The following ALG9 variants were observed in gnomAD, a reference collection of about 807,000 sequenced individuals.
ALG9 encodes ALG9 alpha-1,2-mannosyltransferase.
A neutral mutation model predicts 81.8 loss-of-function variants in ALG9; 55 were observed. The observed-to-expected ratio is 0.67, with a 90% CI of 0.54 to 0.84. The LOEUF (loss-of-function observed/expected upper bound fraction) is 0.84, where lower values mean the gene tolerates loss of function less well. Among genes scored for constraint, ALG9 ranks in the 40% least tolerant of loss-of-function variants. ALG9 has a pLI of 0.00. For synonymous variants in ALG9, 278 were observed against 274.3 expected (o/e 1.01, Z -0.13); for missense variants, 629 against 745.0 (o/e 0.84, Z 1.81).
intron 14 of ALG9, chr11:111,798,268 GCAAGA>G: frequency 7.8e-6 from 2 of 257,410 alleles, no homozygotes; most frequent in South Asian, 7.1e-5. Flanking sequence ...AGCAGAGCAA[GCAAGA>G]CAAAAGGGAC....
intron 14 of ALG9, among the ~76,000 whole-genome samples, chr11:111,789,570 G>A (rs1270002860): frequency 2.6e-5 from 4 of 151,494 alleles, no homozygotes; most frequent in South Asian, 4.2e-4. Flanking sequence ...GGTTGGACGC[G>A]GTGGCTCATG....
rs561999267 is a variant in ALG9, at chr11:111,786,388, G to A, written c.*9C>T. 6.2e-7 allele frequency: 1 copy of A among 1,613,924 alleles called. No individual in the cohort carries two copies. The highest frequency in any genetic ancestry group is 1.3e-5 in the African/African-American group (1 of 75,022). The stretch of plus-strand genomic sequence containing the variant: ...AAGATGGTTGTCCTTTGGGGCCACA[G>A]GTGTGTTGCTAACCTCCACTTTTCT... On this transcript the variant is annotated 3_prime_UTR_variant, in exon 15 of 15. Coordinates refer to ENST00000616540, the MANE Select transcript of ALG9 (RefSeq NM_024740.2).
chr11:111,870,611 ACTC>A (rs1185072907), intron 1 of ALG9, among the ~76,000 whole-genome samples: 3 of 152,064 alleles, frequency 2.0e-5, no homozygotes, highest in African/African-American at 7.2e-5. Context: ...CTGGACTTAA[ACTC>A]CTAGGCTCAA....
rs369193860 is a variant in ALG9 at position 111,853,759 on chromosome 11, G to A, written c.702-23C>T. 32 of 1,588,168 alleles carry A rather than the reference G, an allele frequency of 2.0e-5. No individual in the cohort carries two copies. The African/African-American group carries it at 3.2e-4, about 16-fold the overall frequency. ...AAACTATTTAACAGAGAAACAGAGC[G>A]GGGAGTTAAATAAATACTGACAGAG... is the stretch of plus-strand genomic sequence containing the variant. On this transcript the variant is annotated intron_variant, in intron 6 of 14. Transcript: ENST00000616540.
chr11:111,775,796 T>TC, the ALG9 span, among the ~76,000 whole-genome samples: 2 of 152,126 alleles, frequency 1.3e-5, no homozygotes, highest in South Asian at 4.1e-4. Flanking sequence ...CCGTCTAGGT[T>TC]CCCCCAACAT....
rs1946063445 is a variant in ALG9 at position 111,782,872 on chromosome 11, C to CA, written c.*3524dup. On this transcript the variant is annotated 3_prime_UTR_variant, in exon 15 of 15. Coordinates refer to ENST00000616540, the MANE Select transcript of ALG9 (RefSeq NM_024740.2). Reference sequence around the variant, plus strand: ...GATAAAGACCCATCATGATTTAAAACAAAGGGTCTATTTCCAAACTTGAAT... The same window carrying CA: ...GATAAAGACCCATCATGATTTAAAACAAAAGGGTCTATTTCCAAACTTGAAT... The CA allele has an allele frequency of 6.6e-6, 1 of 152,174 alleles. No individual in the cohort carries two copies. The highest frequency in any genetic ancestry group is 1.5e-5 in the Non-Finnish European group (1 of 68,020). 9.4% of individuals were successfully genotyped at this position (152,174 alleles called of 1,614,324 possible). A position where few individuals can be genotyped will look rare whatever the true frequency, so the allele number is the denominator to read the frequency against.
chr11:111,779,795 A>C (rs2136148902), downstream of ALG9, among the ~76,000 whole-genome samples: 1 of 152,372 alleles, frequency 6.6e-6, no homozygotes, highest in Admixed American at 6.5e-5. Flanking sequence ...GCTCATACTC[A>C]GGTAAAATGT....
intron 14 of ALG9, among the ~76,000 whole-genome samples, chr11:111,799,641 A>C (rs2136301412): frequency 6.6e-6 from 1 of 152,194 alleles, no homozygotes; most frequent in Non-Finnish European, 1.5e-5. Context: ...AAATATATCT[A>C]TGTATCTTCT....
intron 14 of ALG9, among the ~76,000 whole-genome samples, chr11:111,801,902 A>G (rs1363276341): frequency 6.6e-6 from 1 of 152,226 alleles, no homozygotes; most frequent in Non-Finnish European, 1.5e-5. Flanking sequence ...CAAATAAAAA[A>G]TGAAGGCACA....
At chr11:111,812,844 G>C (rs868922279) in intron 13 of ALG9, among the ~76,000 whole-genome samples, 2 of 149,640 alleles carry the variant, frequency 1.3e-5, no homozygotes, top group Middle Eastern at 3.2e-3. Context: ...TTGAACCCCG[G>C]AGGCAGTGGC....
rs370370637 is a variant in ALG9 at position 111,857,499 on chromosome 11, A to G, written c.701+103T>C. ...ATTTCCCAGAATCTTTGAAAGCCCA[A>G]TTGATTAACTTCAGATTCTATGCAG... On this transcript the variant is annotated intron_variant, in intron 6 of 14. Transcript: ENST00000616540. The G allele has an allele frequency of 5.9e-5, 89 of 1,496,002 alleles. No homozygotes were observed. The African/African-American group carries it at 6.3e-4, about 11-fold the overall frequency. The allele number at this position is 1,496,002 out of a possible 1,614,324, so 92.7% of individuals were successfully genotyped here. A position where few individuals can be genotyped will look rare whatever the true frequency, so the allele number is the denominator to read the frequency against.
At chr11:111,775,387 T>A in the ALG9 span, among the ~76,000 whole-genome samples, 1 of 152,192 alleles carries the variant, frequency 6.6e-6, no homozygotes, top group Non-Finnish European at 1.5e-5. Flanking sequence ...GAAATCCAGC[T>A]GGGACTGTAA....
At chr11:111,800,462 CAG>C (rs1948940275) in intron 14 of ALG9, among the ~76,000 whole-genome samples, 1 of 152,066 alleles carries the variant, frequency 6.6e-6, no homozygotes, top group Non-Finnish European at 1.5e-5. Flanking sequence ...GCCTGGGTGA[CAG>C]AGCGAGACTC....
intron 13 of ALG9, among the ~76,000 whole-genome samples, chr11:111,835,141 G>A (rs137971382): frequency 3.6e-4 from 55 of 152,326 alleles, no homozygotes; most frequent in Middle Eastern, 3.4e-3. Flanking sequence ...TTAAGCATAT[G>A]ACATAAGAAA....
intron 1 of ALG9, 58 bp downstream of exon 1, chr11:111,871,294 G>T: frequency 7.3e-7 from 1 of 1,367,776 alleles, no homozygotes; most frequent in South Asian, 1.8e-5. Flanking sequence ...GACCCTCCCG[G>T]GGGCAGCCCC....
chr11:111,800,822 T>C (rs1949016970), intron 14 of ALG9, among the ~76,000 whole-genome samples: 1 of 152,202 alleles, frequency 6.6e-6, no homozygotes, highest in South Asian at 2.1e-4. Flanking sequence ...CCTGGCAATG[T>C]TCAATAAATA....
At chr11:111,852,204 C>T (rs1555139183) in intron 8 of ALG9, among the ~76,000 whole-genome samples, 1 of 152,138 alleles carries the variant, frequency 6.6e-6, no homozygotes, top group African/African-American at 2.4e-5. Context: ...CCAAAGCAAG[C>T]CCTTATACAG....
At chr11:111,863,980 C>A (rs113998633) in intron 4 of ALG9, among the ~76,000 whole-genome samples, 1,803 of 152,222 alleles carry the variant, frequency 0.012, 33 homozygotes, top group African/African-American at 0.041. Context: ...ATTAGAAGTA[C>A]AGTGTTCCCT....
downstream of ALG9, among the ~76,000 whole-genome samples, chr11:111,779,412 CTT>C (rs1157923336): frequency 6.6e-6 from 1 of 152,030 alleles, no homozygotes; most frequent in Non-Finnish European, 1.5e-5. Context: ...GCAAAAAACC[CTT>C]GTCAGAGGAA....
Sources: gnomAD v4.1 joint callset for allele counts (sites outside exome capture counted in the v4.1 genomes callset) on GRCh38, gnomAD v4.1.1 for gene constraint, MANE v1.5 for transcripts, NCBI Gene and HGNC (gene_info 2026-07-23, HGNC 2026-07-21) for gene names.